Variants in PTPRD observed in about 807,000 individuals in gnomAD.
PTPRD encodes receptor-type tyrosine-protein phosphatase delta.
PTPRD carries 34 observed loss-of-function variants against 214.5 expected under a neutral mutation model. The observed-to-expected ratio is 0.16, with a 90% CI of 0.12 to 0.21. PTPRD has a LOEUF of 0.21. Ranked by LOEUF, PTPRD falls within the 10% of genes least tolerant of loss-of-function variation. PTPRD has a pLI of 1.00. For missense variants in PTPRD, 2,545 were observed against 2,398.7 expected, an observed-to-expected ratio of 1.06 and a Z score of -1.27; for synonymous variants, 1,128 against 845.7, an observed-to-expected ratio of 1.33 and a Z score of -5.79.
intron 3 of PTPRD, among the ~76,000 whole-genome samples, chr9:10,231,450 A>T (rs1221202012): frequency 6.6e-6 from 1 of 151,766 alleles, no homozygotes; most frequent in African/African-American, 2.4e-5. Flanking sequence ...AACTATCATC[A>T]CTCTGGTGGT....
intron 3 of PTPRD, among the ~76,000 whole-genome samples, chr9:10,281,118 A>G (rs78972572): frequency 0.062 from 9,398 of 152,222 alleles, 960 homozygotes; most frequent in African/African-American, 0.21. Context: ...AAGAACAGCA[A>G]TCTCTCCTTA....
chr9:8,457,575 T>C (rs370320375), intron 33 of PTPRD, among the ~76,000 whole-genome samples: 1 of 152,024 alleles, frequency 6.6e-6, no homozygotes, highest in Non-Finnish European at 1.5e-5. Context: ...ATAGATCTAA[T>C]AGGAATAAGT....
chr9:9,992,201 C>G (rs897483691), intron 4 of PTPRD, among the ~76,000 whole-genome samples: 1 of 152,014 alleles, frequency 6.6e-6, no homozygotes, highest in Non-Finnish European at 1.5e-5. Flanking sequence ...ATACTGAAAA[C>G]CACTGAATTG....
intron 5 of PTPRD, among the ~76,000 whole-genome samples, chr9:9,858,821 T>C (rs1029729532): frequency 1.3e-5 from 2 of 152,146 alleles, no homozygotes; most frequent in African/African-American, 4.8e-5. Context: ...CAACAGTTAT[T>C]TGTAGTTCAG....
intron 21 of PTPRD, among the ~76,000 whole-genome samples, chr9:8,513,241 T>C (rs1325112783): frequency 1.3e-5 from 2 of 152,062 alleles, no homozygotes; most frequent in East Asian, 1.9e-4. Context: ...ACTGTACTAA[T>C]GTTCACAATC....
intron 9 of PTPRD, among the ~76,000 whole-genome samples, chr9:9,341,332 TGTTAGAAAC>T: frequency 6.6e-6 from 1 of 152,206 alleles, no homozygotes; most frequent in East Asian, 1.9e-4. Flanking sequence ...AGAAATCCTT[TGTTAGAAAC>T]TCTCCATTCA....
At chr9:9,221,251 T>C (rs1476762682) in intron 9 of PTPRD, among the ~76,000 whole-genome samples, 1 of 152,080 alleles carries the variant, frequency 6.6e-6, no homozygotes, top group Non-Finnish European at 1.5e-5. Flanking sequence ...GCTCAGCCAA[T>C]CAATGATGAT....
At position 8,319,839 on chromosome 9, in the gene PTPRD, G is replaced by T; in HGVS notation, c.5662C>A (p.Gln1888Lys). ...MLRTQRPAMV[Q>K]TEDQYQFSYR... is the part of the protein sequence containing the mutation. ...GCAATGGATTTTCTCACCTCTGTCT[G>T]TACCATAGCTGGTCGTTGTGTTCTT... is the stretch of plus-strand genomic sequence containing the variant. The change falls in exon 45 of 46, where the codon CAG (glutamine) becomes AAG (lysine). Residue 1888 changes from glutamine (Q) to lysine (K), a missense_variant. Coordinates refer to ENST00000381196, the MANE Select transcript of PTPRD (RefSeq NM_002839.4). 6.2e-7 allele frequency: 1 copy of T among 1,612,882 alleles called. No individual in the cohort carries two copies. Among genetic ancestry groups the T allele is most frequent in the Non-Finnish European group, 8.5e-7 (1 of 1,179,312 alleles).
rs184296301 is a variant in PTPRD at position 8,609,205 on chromosome 9, G to C, written c.352+24112C>G. 1.3e-3 allele frequency among the ~76,000 whole-genome samples: 194 copies of C among 152,298 alleles called. 3 individuals carry two copies. The highest frequency in any genetic ancestry group is 4.5e-3 in the African/African-American group (189 of 41,548). ...AAAAGCTGATATTCCGGGAAGATGAGACATATTAACTTTATCATTTCACAT... is the reference window on the plus strand; with the variant it reads ...AAAAGCTGATATTCCGGGAAGATGACACATATTAACTTTATCATTTCACAT... On this transcript the variant is annotated intron_variant, in intron 14 of 45. Transcript: ENST00000381196.
intron 11 of PTPRD, among the ~76,000 whole-genome samples, chr9:8,809,035 C>T (rs2096746953): frequency 6.6e-6 from 1 of 152,104 alleles, no homozygotes; most frequent in Non-Finnish European, 1.5e-5. Context: ...AGACCACTGT[C>T]CAGTGAAACT....
intron 4 of PTPRD, among the ~76,000 whole-genome samples, chr9:10,001,645 C>T (rs897757872): frequency 6.6e-6 from 1 of 152,010 alleles, no homozygotes; most frequent in African/African-American, 2.4e-5. Flanking sequence ...GAATTCTCTA[C>T]CTAACAAAAT....
intron 14 of PTPRD, among the ~76,000 whole-genome samples, chr9:8,546,599 A>G (rs2080234554): frequency 6.6e-6 from 1 of 151,918 alleles, no homozygotes; most frequent in African/African-American, 2.4e-5. Flanking sequence ...CCCAGTTTCA[A>G]GAGATTCTCC....
chr9:9,839,178 T>A (rs1349663542), intron 5 of PTPRD, among the ~76,000 whole-genome samples: 8 of 151,906 alleles, frequency 5.3e-5, no homozygotes, highest in Non-Finnish European at 1.0e-4. Flanking sequence ...AGCCTTGTAG[T>A]ATAGTGTTGG....
At chr9:9,582,153 A>G (rs74984059) in intron 7 of PTPRD, among the ~76,000 whole-genome samples, 3,494 of 152,176 alleles carry the variant, frequency 0.023, 146 homozygotes, top group African/African-American at 0.079. Flanking sequence ...CATCCATCTT[A>G]CTTTACTTAT....
At chr9:9,584,071 T>G (rs532581796) in intron 7 of PTPRD, among the ~76,000 whole-genome samples, 115 of 152,092 alleles carry the variant, frequency 7.6e-4, no homozygotes, top group Non-Finnish European at 1.2e-3. Context: ...ATACAGATTC[T>G]GATAGTTCTG....
At chr9:10,065,179 G>GAAAGAAAGAAAGAAAGA (rs2097854223) in intron 3 of PTPRD, among the ~76,000 whole-genome samples, 2 of 151,484 alleles carry the variant, frequency 1.3e-5, no homozygotes, top group South Asian at 4.2e-4. Context: ...AAGAAAGAAA[G>GAAAGAAAGAAAGAAAGA]AAAGAAAGAA....
intron 11 of PTPRD, among the ~76,000 whole-genome samples, chr9:8,960,432 T>G (rs1380912005): frequency 1.3e-5 from 2 of 152,072 alleles, no homozygotes; most frequent in Non-Finnish European, 2.9e-5. Context: ...ACTAGGACAT[T>G]GTGCTTTGCG....
intron 3 of PTPRD, among the ~76,000 whole-genome samples, chr9:10,072,544 T>G (rs887947600): frequency 2.0e-5 from 3 of 152,120 alleles, no homozygotes; most frequent in African/African-American, 7.2e-5. Flanking sequence ...GGGTTGCCAC[T>G]GCTGGCTGGG....
At chr9:9,238,940 G>A (rs976852260) in intron 9 of PTPRD, among the ~76,000 whole-genome samples, 5 of 152,058 alleles carry the variant, frequency 3.3e-5, no homozygotes, top group Non-Finnish European at 7.3e-5. Flanking sequence ...CATTCCAAGT[G>A]GTCTTTGGAA....
Sources: allele counts gnomAD v4.1 joint callset (sites outside exome capture counted in the v4.1 genomes callset), GRCh38; gene constraint gnomAD v4.1.1; transcripts MANE v1.5; gene names NCBI Gene and HGNC (gene_info 2026-07-23, HGNC 2026-07-21).